The following WWOX variants were observed in gnomAD, a reference collection of about 807,000 sequenced individuals.
The protein encoded by WWOX is WW domain-containing oxidoreductase.
WWOX carries 69 observed loss-of-function variants against 46.2 expected under a neutral mutation model. That is an observed-to-expected ratio of 1.49 (90% CI 1.23 to 1.82). The LOEUF (loss-of-function observed/expected upper bound fraction) is 1.82. Among genes scored for constraint, WWOX ranks in the 40% most tolerant of loss-of-function variants. The probability of loss-of-function intolerance (pLI) is 0.00; values close to 1 mark genes in which losing one functional copy is unlikely to be tolerated. For synonymous variants in WWOX, 359 were observed against 202.6 expected (o/e 1.77, Z -6.56); for missense variants, 919 against 542.6 (o/e 1.69, Z -6.89).
chr16:78,144,448 C>CGTGTATAT (rs71380475), intron 4 of WWOX, among the ~76,000 whole-genome samples: 2 of 17,580 alleles, frequency 1.1e-4, no homozygotes, highest in Non-Finnish European at 1.2e-4. Flanking sequence ...TATATATATA[C>CGTGTATAT]ACATATATAT....
intron 5 of WWOX, among the ~76,000 whole-genome samples, chr16:78,383,567 C>G (rs894662257): frequency 1.3e-5 from 2 of 152,132 alleles, no homozygotes; most frequent in African/African-American, 4.8e-5. Context: ...AATCTGTCAG[C>G]CACTACCTTC....
intron 8 of WWOX, among the ~76,000 whole-genome samples, chr16:79,066,318 C>A (rs1394684234): frequency 1.3e-5 from 2 of 152,160 alleles, no homozygotes; most frequent in African/African-American, 2.4e-5. Context: ...GCAGTACCTG[C>A]TTTACTCATG....
intron 8 of WWOX, among the ~76,000 whole-genome samples, chr16:78,805,302 G>A (rs753351963): frequency 1.3e-5 from 2 of 152,124 alleles, no homozygotes; most frequent in African/African-American, 4.8e-5. Context: ...GCCCAGGCTC[G>A]AGTGCAGTGG....
chr16:78,973,488 C>T (rs943558517), intron 8 of WWOX, among the ~76,000 whole-genome samples: 2 of 152,198 alleles, frequency 1.3e-5, no homozygotes, highest in Non-Finnish European at 2.9e-5. Flanking sequence ...TTTCTTCAAA[C>T]ATCTCTAACA....
chr16:78,215,343 G>T (rs2036686040), intron 5 of WWOX, among the ~76,000 whole-genome samples: 1 of 152,202 alleles, frequency 6.6e-6, no homozygotes, highest in African/African-American at 2.4e-5. Flanking sequence ...CTACGTGCCA[G>T]GTAGGGACCT....
At chr16:78,361,681 G>T (rs181822468) in intron 5 of WWOX, among the ~76,000 whole-genome samples, 2 of 151,998 alleles carry the variant, frequency 1.3e-5, no homozygotes, top group African/African-American at 4.8e-5. Context: ...GTGCGATATC[G>T]GCTCCCTGCA....
chr16:78,382,926 G>A lies in WWOX; in HGVS notation c.517-3934G>A, dbSNP rs1287135037. On this transcript the variant is annotated intron_variant, in intron 5 of 8. Transcript: ENST00000566780. ...GCAGGTTTAATTGGCTCATTGTTCTGTGTTCATGTTCTGCTTCTGGATAGG... is the reference window on the plus strand; with the variant it reads ...GCAGGTTTAATTGGCTCATTGTTCTATGTTCATGTTCTGCTTCTGGATAGG... 6.6e-5 allele frequency among the ~76,000 whole-genome samples: 10 copies of A among 151,880 alleles called. 1 individual carries two copies. The highest frequency in any genetic ancestry group is 3.9e-4 in the Admixed American group (6 of 15,228).
intron 8 of WWOX, among the ~76,000 whole-genome samples, chr16:79,005,094 G>A (rs13332891): frequency 0.27 from 41,428 of 152,100 alleles, 5,790 homozygotes; most frequent in Middle Eastern, 0.39. Flanking sequence ...TCAGTCCTCA[G>A]TGTACCCCAG....
At chr16:78,150,067 C>A (rs543290770) in intron 4 of WWOX, among the ~76,000 whole-genome samples, 1 of 152,326 alleles carries the variant, frequency 6.6e-6, no homozygotes, top group East Asian at 1.9e-4. Context: ...TCCCCTACTT[C>A]AAATGCCAGT....
chr16:78,150,457 C>T (rs2034364549), intron 4 of WWOX, among the ~76,000 whole-genome samples: 2 of 152,150 alleles, frequency 1.3e-5, no homozygotes, highest in African/African-American at 4.8e-5. Flanking sequence ...TGGCTCATTA[C>T]AGCCAGGACC....
chr16:78,880,932 CT>C (rs919257398), intron 8 of WWOX, among the ~76,000 whole-genome samples: 19 of 145,060 alleles, frequency 1.3e-4, no homozygotes, highest in East Asian at 1.0e-3. Flanking sequence ...TTTCCAAGCA[CT>C]TTTTTTTTTC....
intron 8 of WWOX, among the ~76,000 whole-genome samples, chr16:78,609,383 T>C (rs1461010867): frequency 6.6e-6 from 1 of 152,166 alleles, no homozygotes; most frequent in Non-Finnish European, 1.5e-5. Flanking sequence ...CTGAAATAGC[T>C]ATATGCTTCC....
At chr16:78,688,210 C>A (rs144731016) in intron 8 of WWOX, among the ~76,000 whole-genome samples, 1 of 151,300 alleles carries the variant, frequency 6.6e-6, no homozygotes, top group East Asian at 1.9e-4. Context: ...GACAAGATGT[C>A]CAAATGTTTT....
chr16:78,793,900 A>G (rs527764812), intron 8 of WWOX, among the ~76,000 whole-genome samples: 7 of 152,212 alleles, frequency 4.6e-5, no homozygotes, highest in Non-Finnish European at 7.4e-5. Flanking sequence ...TACAAAAAAT[A>G]AAATATTTGA....
At chr16:79,164,983 G>T (rs1314410364) in intron 8 of WWOX, among the ~76,000 whole-genome samples, 2 of 152,102 alleles carry the variant, frequency 1.3e-5, no homozygotes, top group African/African-American at 2.4e-5. Context: ...TGTATAAACA[G>T]TAAGTGTAAA....
chr16:78,675,458 C>G (rs2047573238), intron 8 of WWOX, among the ~76,000 whole-genome samples: 1 of 152,080 alleles, frequency 6.6e-6, no homozygotes, highest in African/African-American at 2.4e-5. Flanking sequence ...TTAACAAATA[C>G]TTTTATGGGC....
chr16:78,999,786 C>T (rs528477679), intron 8 of WWOX, among the ~76,000 whole-genome samples: 152 of 152,178 alleles, frequency 1.0e-3, no homozygotes, highest in African/African-American at 3.5e-3. Flanking sequence ...ATGATGGATA[C>T]ACTAAAAGTG....
At chr16:79,025,284 G>C (rs1273641304) in intron 8 of WWOX, among the ~76,000 whole-genome samples, 1 of 152,184 alleles carries the variant, frequency 6.6e-6, no homozygotes, top group Non-Finnish European at 1.5e-5. Flanking sequence ...CCTGAGTTAA[G>C]ACAGTAGCCC....
intron 8 of WWOX, among the ~76,000 whole-genome samples, chr16:79,092,267 A>C (rs2048977148): frequency 6.6e-6 from 1 of 152,208 alleles, no homozygotes; most frequent in South Asian, 2.1e-4. Context: ...AGGCTTTAAC[A>C]ATATTAAAAC....
Sources: gnomAD v4.1 joint callset for allele counts (sites outside exome capture counted in the v4.1 genomes callset) on GRCh38, gnomAD v4.1.1 for gene constraint, MANE v1.5 for transcripts, NCBI Gene and HGNC (gene_info 2026-07-23, HGNC 2026-07-21) for gene names.